Variants in KIT observed in about 807,000 individuals in gnomAD.
KIT encodes the protein KIT proto-oncogene, receptor tyrosine kinase.
KIT carries 16 observed loss-of-function variants against 105.7 expected under a neutral mutation model. The ratio of observed to expected loss-of-function variants is 0.15; its 90% CI spans 0.10 to 0.23. The LOEUF is 0.23. Among genes scored for constraint, KIT ranks in the 10% least tolerant of loss-of-function variants. The pLI is 1.00. For missense variants in KIT, 858 were observed against 1,213.8 expected, an observed-to-expected ratio of 0.71 and a Z score of 4.36; for synonymous variants, 438 against 441.1, an observed-to-expected ratio of 0.99 and a Z score of 0.09.
At position 54,729,401 on chromosome 4, in the gene KIT, G is replaced by A. The variant is rs143772138; in HGVS notation, c.2057G>A (p.Arg686His). Reference sequence around the variant, plus strand: ...CTTTTGAATTTTTTGAGAAGAAAACGTGATTCATTTATTTGTTCAAAGCAG... The same window carrying A: ...CTTTTGAATTTTTTGAGAAGAAAACATGATTCATTTATTTGTTCAAAGCAG... ...GDLLNFLRRK[R>H]DSFICSKQED... is the part of the protein sequence containing the mutation. Residue 686 changes from arginine (R) to histidine (H), a missense_variant, in exon 14 of 21, where the codon CGT (arginine) becomes CAT (histidine). Transcript: ENST00000288135. 19 of 1,613,566 alleles carry A rather than the reference G, an allele frequency of 1.2e-5. No individual in the cohort carries two copies. In the Admixed American group the frequency reaches 1.3e-4, roughly 11 times the overall value.
At chr4:54,673,488 C>G (rs1224039049) in intron 1 of KIT, among the ~76,000 whole-genome samples, 1 of 152,060 alleles carries the variant, frequency 6.6e-6, no homozygotes, top group Non-Finnish European at 1.5e-5. Flanking sequence ...TCTTTTGCCT[C>G]CATTTTTAAA....
At chr4:54,690,445 A>T (rs1014411017) in intron 1 of KIT, among the ~76,000 whole-genome samples, 3 of 152,234 alleles carry the variant, frequency 2.0e-5, no homozygotes, top group African/African-American at 7.2e-5. Context: ...AGTAGCTGGG[A>T]TAAGTATTTA....
intron 7 of KIT, among the ~76,000 whole-genome samples, chr4:54,716,995 T>C (rs867115211): frequency 6.6e-5 from 10 of 152,230 alleles, no homozygotes; most frequent in South Asian, 2.1e-4. Flanking sequence ...TTATAGATAA[T>C]ATGTGTTCAT....
At chr4:54,734,856 C>A (rs540610276) in intron 17 of KIT, among the ~76,000 whole-genome samples, 1 of 152,162 alleles carries the variant, frequency 6.6e-6, no homozygotes, top group East Asian at 1.9e-4. Flanking sequence ...TGATGAAATA[C>A]ATAGGAATAC....
intron 18 of KIT, 52 bp downstream of exon 18, chr4:54,736,661 G>A (rs1206751224): frequency 2.5e-6 from 4 of 1,599,752 alleles, no homozygotes; most frequent in Non-Finnish European, 3.4e-6. Context: ...GCATCTTCTT[G>A]AAGTTTCATT....
Position 54,740,407 on chromosome 4 carries a change from T to G in KIT, c.*1850T>G, listed in dbSNP as rs528078215. On this transcript the variant is annotated 3_prime_UTR_variant, in exon 21 of 21. Coordinates refer to ENST00000288135, the MANE Select transcript of KIT (RefSeq NM_000222.3). The stretch of plus-strand genomic sequence containing the variant: ...GGGCACTTCATTGAGAGTTTTGTCT[T>G]GGATATTCTTGAAAGTTTATATTTT... 4 of 233,496 alleles carry G rather than the reference T, an allele frequency of 1.7e-5. No homozygotes were observed. The East Asian group carries it at 1.8e-4, about 11-fold the overall frequency. 14.5% of individuals were successfully genotyped at this position (233,496 alleles called of 1,614,324 possible). A position where few individuals can be genotyped will look rare whatever the true frequency, so the allele number is the denominator to read the frequency against.
intron 2 of KIT, among the ~76,000 whole-genome samples, chr4:54,696,737 C>T (rs754875228): frequency 1.3e-5 from 2 of 152,192 alleles, no homozygotes; most frequent in African/African-American, 4.8e-5. Context: ...CCATCAGGAG[C>T]GAATAAAGCT....
chr4:54,727,332 T>C lies in KIT; in HGVS notation c.1647+8T>C, dbSNP rs2109774752. The C allele has an allele frequency of 6.2e-7, 1 of 1,613,376 alleles. No homozygotes were observed. ...ACCTACAAATATTTACAGGTAACCA[T>C]TTATTTGTTCTCTCTCCAGAGTGCT... On this transcript the variant is annotated splice_region_variant and intron_variant, in intron 10 of 20. Transcript: ENST00000288135.
At chr4:54,726,313 TA>T (rs1202516089) in intron 9 of KIT, among the ~76,000 whole-genome samples, 4 of 152,142 alleles carry the variant, frequency 2.6e-5, no homozygotes, top group African/African-American at 9.7e-5. Context: ...TTGTCTCCAT[TA>T]AAAAGAGCTA....
At position 54,733,105 on chromosome 4, in the gene KIT, C is replaced by T. The variant is rs1722710004; in HGVS notation, c.2397C>T (p.Leu799=). The change falls in exon 17 of 21, where the codon CTC becomes CTT. Residue 799 remains leucine, a synonymous_variant. Transcript: ENST00000288135. ...GAGACTTGGCAGCCAGAAATATCCTCCTTACTCATGGTCGGATCACAAAGA... is the reference window on the plus strand; with the variant it reads ...GAGACTTGGCAGCCAGAAATATCCTTCTTACTCATGGTCGGATCACAAAGA... The part of the protein sequence containing the change: ...IHRDLAARNI[L]LTHGRITKIC... 6.2e-7 allele frequency: 1 copy of T among 1,611,750 alleles called. No individual in the cohort carries two copies. Among genetic ancestry groups the T allele is most frequent in the African/African-American group, 1.3e-5 (1 of 74,832 alleles).
chr4:54,664,031 A>G (rs1157714977), intron 1 of KIT, among the ~76,000 whole-genome samples: 1 of 152,064 alleles, frequency 6.6e-6, no homozygotes, highest in African/African-American at 2.4e-5. Context: ...CTTAAGTGTA[A>G]AGTGCTCTGG....
At chr4:54,723,881 G>T (rs564387677) in intron 8 of KIT, among the ~76,000 whole-genome samples, 183 bp downstream of exon 8, 79 of 152,114 alleles carry the variant, frequency 5.2e-4, no homozygotes, top group Non-Finnish European at 8.4e-4. Context: ...CATTAATTTT[G>T]TTTGCTGAAA....
At chr4:54,731,771 G>A in intron 15 of KIT, 100 bp from the exon 16 acceptor site, 1 of 1,248,848 alleles carries the variant, frequency 8.0e-7, no homozygotes. Flanking sequence ...GTTCACATTA[G>A]TTCATTCATT....
intron 7 of KIT, among the ~76,000 whole-genome samples, chr4:54,718,225 C>T (rs1167331917): frequency 5.9e-5 from 9 of 152,224 alleles, no homozygotes; most frequent in South Asian, 2.1e-4. Context: ...CTCAGCCTCC[C>T]GAGTAGCTGG....
rs553084460 is a variant in KIT, at chr4:54,725,132, T to G, written c.1347-725T>G. On this transcript the variant is annotated intron_variant, in intron 8 of 20. Transcript: ENST00000288135. Reference sequence around the variant, plus strand: ...TGTTGTTGTTGTTGTTGAGACCGAGTCTCACTCTCTTGCCCAGGCTGGAGT... The same window carrying G: ...TGTTGTTGTTGTTGTTGAGACCGAGGCTCACTCTCTTGCCCAGGCTGGAGT... 2.6e-5 allele frequency among the ~76,000 whole-genome samples: 4 copies of G among 152,246 alleles called. No individual in the cohort carries two copies. The East Asian group carries it at 7.7e-4, about 29-fold the overall frequency.
intron 1 of KIT, among the ~76,000 whole-genome samples, chr4:54,687,630 T>C (rs895323131): frequency 2.6e-5 from 4 of 151,912 alleles, no homozygotes; most frequent in African/African-American, 4.8e-5. Flanking sequence ...AGACCTTACT[T>C]TGGATTGTGA....
intron 13 of KIT, 140 bp downstream of exon 13, chr4:54,728,261 T>C: frequency 1.4e-6 from 1 of 727,256 alleles, no homozygotes; most frequent in Non-Finnish European, 2.5e-6. Flanking sequence ...TGCTAGATTT[T>C]GTTTTCCTCA....
At chr4:54,695,476 A>G (rs1165610027) in intron 1 of KIT, 36 bp from the exon 2 acceptor site, 1 of 1,612,656 alleles carries the variant, frequency 6.2e-7, no homozygotes, top group Non-Finnish European at 8.5e-7. Context: ...CCAAGGAAGA[A>G]GATCATACTC....
rs1340026538 is a variant in KIT at position 54,723,876 on chromosome 4, A to AT, written c.1346+182dup. Among the ~76,000 whole-genome samples, 4 of 152,152 alleles carry AT rather than the reference A, an allele frequency of 2.6e-5. No homozygotes were observed. The South Asian group carries it at 8.3e-4, about 32-fold the overall frequency. On this transcript the variant is annotated intron_variant, in intron 8 of 20. Coordinates refer to ENST00000288135, the MANE Select transcript of KIT (RefSeq NM_000222.3). The stretch of plus-strand genomic sequence containing the variant: ...GCTATATTTTTCTTGGTAGACATTA[A>AT]TTTTGTTTGCTGAAAAATCATTACT...
Sources: gnomAD v4.1 joint callset for allele counts (sites outside exome capture counted in the v4.1 genomes callset) on GRCh38, gnomAD v4.1.1 for gene constraint, MANE v1.5 for transcripts, NCBI Gene and HGNC (gene_info 2026-07-23, HGNC 2026-07-21) for gene names.